GPATCH2: variants seen among roughly 807,000 people sequenced by gnomAD.
GPATCH2 encodes the protein G patch domain-containing protein 2.
In GPATCH2, 51 loss-of-function variants were observed where a neutral mutation model predicts 58.0. The observed-to-expected ratio is 0.88, with a 90% confidence interval of 0.70 to 1.11. The LOEUF (loss-of-function observed/expected upper bound fraction) is 1.11. Among genes scored for constraint, GPATCH2 ranks in the 50% most tolerant of loss-of-function variants. The pLI is 0.00. For synonymous variants in GPATCH2, 222 were observed against 218.5 expected, an observed-to-expected ratio of 1.02 and a Z score of -0.14; for missense variants, 625 against 652.2, an observed-to-expected ratio of 0.96 and a Z score of 0.45.
chr1:217,628,007 AAGT>A (rs1339982215), intron 1 of GPATCH2, among the ~76,000 whole-genome samples: 1 of 152,090 alleles, frequency 6.6e-6, no homozygotes, highest in Non-Finnish European at 1.5e-5. Context: ...GGCAAACAGT[AAGT>A]AGGAAATGAG....
chr1:217,448,202 T>C (rs1366665966), intron 9 of GPATCH2, among the ~76,000 whole-genome samples: 1 of 151,992 alleles, frequency 6.6e-6, no homozygotes, highest in Admixed American at 6.6e-5. Flanking sequence ...TATACTTACA[T>C]ATATTTTTCT....
At chr1:217,464,595 C>T (rs939271573) in intron 8 of GPATCH2, among the ~76,000 whole-genome samples, 1 of 152,054 alleles carries the variant, frequency 6.6e-6, no homozygotes, top group African/African-American at 2.4e-5. Flanking sequence ...GATAAAAAAC[C>T]CACACCAAGG....
At chr1:217,436,675 G>A (rs1330989156) in intron 9 of GPATCH2, among the ~76,000 whole-genome samples, 3 of 152,138 alleles carry the variant, frequency 2.0e-5, no homozygotes, top group Non-Finnish European at 4.4e-5. Context: ...GACGTCTGTA[G>A]CCCTTATACA....
At chr1:217,462,572 C>T (rs776979111) in intron 8 of GPATCH2, among the ~76,000 whole-genome samples, 1 of 152,044 alleles carries the variant, frequency 6.6e-6, no homozygotes, top group Non-Finnish European at 1.5e-5. Flanking sequence ...GCTATTTAAC[C>T]CTTCTATTTC....
chr1:217,619,909 A>G lies in GPATCH2; in HGVS notation c.647T>C (p.Ile216Thr). 1 of 1,613,668 alleles carries G rather than the reference A, an allele frequency of 6.2e-7. No individual in the cohort carries two copies. The highest frequency in any genetic ancestry group is 1.7e-5 in the Admixed American group (1 of 59,978). ...KNKVKKRKLK[I>T]IRQGPKIQDE... The stretch of plus-strand genomic sequence containing the variant: ...TTGGATTTTTGGTCCTTGTCTGATT[A>G]TTTTCAACTTTCTTTTTTTGACTTT... Residue 216 changes from isoleucine (I) to threonine (T), a missense_variant, in exon 2 of 10, where the codon ATA becomes ACA. By Grantham distance (89) the Ile-to-Thr change is moderately conservative (BLOSUM62 -1). Coordinates refer to ENST00000366935, the MANE Select transcript of GPATCH2 (RefSeq NM_018040.5).
intron 5 of GPATCH2, among the ~76,000 whole-genome samples, chr1:217,517,753 G>A (rs1380576610): frequency 6.6e-6 from 1 of 152,048 alleles, no homozygotes. Flanking sequence ...GCTAATTTTA[G>A]TGATTTCAGA....
chr1:217,543,578 T>C (rs2102649810), intron 5 of GPATCH2, among the ~76,000 whole-genome samples: 1 of 152,224 alleles, frequency 6.6e-6, no homozygotes, highest in Middle Eastern at 3.4e-3. Context: ...CAGGAATGTT[T>C]TAAATCTGCT....
chr1:217,624,653 T>C (rs1368140859), intron 1 of GPATCH2, among the ~76,000 whole-genome samples: 1 of 152,270 alleles, frequency 6.6e-6, no homozygotes, highest in African/African-American at 2.4e-5. Flanking sequence ...AGAGATAGTT[T>C]CTTAAATAAG....
intron 6 of GPATCH2, among the ~76,000 whole-genome samples, chr1:217,508,553 T>C (rs1662677381): frequency 6.6e-6 from 1 of 152,130 alleles, no homozygotes; most frequent in Non-Finnish European, 1.5e-5. Flanking sequence ...CATAAGTGAT[T>C]GGAAAAAGAA....
chr1:217,609,203 A>AT, intron 5 of GPATCH2: 1 of 983,970 alleles, frequency 1.0e-6, no homozygotes, highest in Non-Finnish European at 1.2e-6. Flanking sequence ...GAAACATTAC[A>AT]TTTTCCCCCC....
chr1:217,625,877 G>A (rs958280008), intron 1 of GPATCH2, among the ~76,000 whole-genome samples: 7 of 152,064 alleles, frequency 4.6e-5, no homozygotes, highest in Admixed American at 1.3e-4. Context: ...CCAGCTACCC[G>A]GGAGGCTGAG....
intron 7 of GPATCH2, among the ~76,000 whole-genome samples, chr1:217,497,525 A>G (rs957441092): frequency 2.0e-5 from 3 of 152,122 alleles, no homozygotes; most frequent in African/African-American, 7.2e-5. Flanking sequence ...ACTCTGGTAT[A>G]TGCAACAGCT....
At chr1:217,449,555 A>G (rs1451253163) in intron 8 of GPATCH2, among the ~76,000 whole-genome samples, 1 of 152,360 alleles carries the variant, frequency 6.6e-6, no homozygotes. Flanking sequence ...AATGAATAAT[A>G]TAAAAGGAAT....
intron 5 of GPATCH2, among the ~76,000 whole-genome samples, chr1:217,577,371 T>C (rs1000950060): frequency 2.0e-5 from 3 of 152,206 alleles, no homozygotes; most frequent in Non-Finnish European, 4.4e-5. Context: ...AGACCTAGTT[T>C]CAATTGTGGC....
intron 6 of GPATCH2, among the ~76,000 whole-genome samples, chr1:217,512,185 G>C (rs1197657236): frequency 6.6e-6 from 1 of 152,106 alleles, no homozygotes; most frequent in African/African-American, 2.4e-5. Flanking sequence ...AGCCAGGCAT[G>C]GTGGCCCATG....
chr1:217,608,402 A>C, intron 5 of GPATCH2: 1 of 984,668 alleles, frequency 1.0e-6, no homozygotes, highest in Non-Finnish European at 1.2e-6. Flanking sequence ...GTCTCCATCA[A>C]GTGAAACTTC....
At chr1:217,602,258 T>C (rs963646557) in intron 5 of GPATCH2, among the ~76,000 whole-genome samples, 1 of 152,164 alleles carries the variant, frequency 6.6e-6, no homozygotes. Context: ...CCCTCCCTGC[T>C]ACACACCACT....
chr1:217,506,702 G>C (rs575491091), intron 6 of GPATCH2, among the ~76,000 whole-genome samples: 1 of 152,174 alleles, frequency 6.6e-6, no homozygotes, highest in Non-Finnish European at 1.5e-5. Flanking sequence ...ACCAGACTTG[G>C]CATCATGTGC....
intron 6 of GPATCH2, among the ~76,000 whole-genome samples, chr1:217,508,832 TAGTC>T (rs1487309718): frequency 3.9e-5 from 6 of 152,166 alleles, no homozygotes; most frequent in Non-Finnish European, 7.4e-5. Flanking sequence ...CTAGTTATCT[TAGTC>T]AGTATTTCAT....
Sources: gnomAD v4.1 joint callset for allele counts (sites outside exome capture counted in the v4.1 genomes callset) on GRCh38, gnomAD v4.1.1 for gene constraint, MANE v1.5 for transcripts, NCBI Gene and HGNC (gene_info 2026-07-23, HGNC 2026-07-21) for gene names.